Variants in MCF2L observed in about 807,000 individuals in gnomAD.
MCF2L encodes guanine nucleotide exchange factor DBS.
MCF2L carries 97 observed loss-of-function variants against 153.4 expected under a neutral mutation model. The observed-to-expected ratio is 0.63, with a 90% CI of 0.54 to 0.75. The LOEUF is 0.75. Ranked by LOEUF, MCF2L falls within the 30% of genes least tolerant of loss-of-function variation. MCF2L has a pLI of 0.00. For synonymous variants in MCF2L, 659 were observed against 632.2 expected, an observed-to-expected ratio of 1.04 and a Z score of -0.64; for missense variants, 1,347 against 1,495.2, an observed-to-expected ratio of 0.90 and a Z score of 1.64.
intron 1 of MCF2L, among the ~76,000 whole-genome samples, chr13:112,972,777 ATGCATAGATGAGTGGATGCAT>A (rs2082089773): frequency 0.018 from 4 of 224 alleles, no homozygotes; most frequent in Admixed American, 0.05. Context: ...GGAGGGATGG[ATGCATAGATGAGTGGATGCAT>A]GGAGTGGAGG....
intron 2 of MCF2L, among the ~76,000 whole-genome samples, chr13:112,959,430 G>A (rs1013638451): frequency 1.3e-5 from 2 of 152,002 alleles, no homozygotes; most frequent in East Asian, 1.9e-4. Context: ...GCACGGCCTC[G>A]GTGTTTAGGG....
chr13:112,930,432 C>G (rs1005518617), intron 2 of MCF2L, among the ~76,000 whole-genome samples: 1 of 151,980 alleles, frequency 6.6e-6, no homozygotes, highest in African/African-American at 2.4e-5. Context: ...AGGAAGAAGC[C>G]AATCTGAAAA....
intron 2 of MCF2L, among the ~76,000 whole-genome samples, chr13:112,940,705 T>C (rs559023826): frequency 8.5e-5 from 13 of 152,386 alleles, no homozygotes; most frequent in East Asian, 5.8e-4. Flanking sequence ...TATAGCTTTA[T>C]GTGTATTATT....
chr13:113,023,671 A>G (rs556862124), intron 2 of MCF2L, among the ~76,000 whole-genome samples: 1 of 152,212 alleles, frequency 6.6e-6, no homozygotes, highest in East Asian at 1.9e-4. Flanking sequence ...TTACAGATTT[A>G]TTCTTCATTT....
rs56360016 is a variant in MCF2L, at chr13:113,031,866, C to CCACACA, written c.278+7127_278+7132dup. ...ACGCACCTACACAGGCTTGCACATG[C>CCACACA]CACACACACACACACACACACACAG... On this transcript the variant is annotated intron_variant, in intron 3 of 29. Transcript: ENST00000535094. This position sits in a 1 kb window ranked among gnomAD's most constrained non-coding sequence, Gnocchi z 5.5. 2.0e-5 allele frequency among the ~76,000 whole-genome samples: 3 copies of CCACACA among 150,362 alleles called. No individual in the cohort carries two copies. The highest frequency in any genetic ancestry group is 7.3e-5 in the African/African-American group (3 of 40,876).
At chr13:112,997,600 C>A (rs1050962160) in intron 1 of MCF2L, among the ~76,000 whole-genome samples, 2 of 152,256 alleles carry the variant, frequency 1.3e-5, no homozygotes, top group African/African-American at 2.4e-5. Context: ...GGTCCCACCC[C>A]ACAGCCTGAT....
intron 1 of MCF2L, among the ~76,000 whole-genome samples, chr13:112,900,294 C>T (rs1341856092): frequency 6.6e-6 from 1 of 152,210 alleles, no homozygotes; most frequent in African/African-American, 2.4e-5. Context: ...CCCTCCCGGA[C>T]CTTTCTGCAG....
At chr13:113,016,765 C>G (rs916203288) in intron 2 of MCF2L, among the ~76,000 whole-genome samples, 1 of 152,192 alleles carries the variant, frequency 6.6e-6, no homozygotes, top group Non-Finnish European at 1.5e-5. Flanking sequence ...GTGGCTGGCC[C>G]GGCCCCTCAG....
At chr13:112,968,583 C>A, upstream of MCF2L, 1 of 1,540,740 alleles carries the variant, frequency 6.5e-7, no homozygotes, top group Non-Finnish European at 8.7e-7. Context: ...AGCCACGGAC[C>A]CACGCATGGA....
At chr13:112,923,426 G>C (rs1250094525) in intron 2 of MCF2L, among the ~76,000 whole-genome samples, 5 of 151,766 alleles carry the variant, frequency 3.3e-5, no homozygotes, top group Non-Finnish European at 5.9e-5. Flanking sequence ...ACCACGCCTG[G>C]CTAATTTTTT....
At chr13:112,901,145 C>T (rs2081115898) in intron 1 of MCF2L, among the ~76,000 whole-genome samples, 1 of 152,104 alleles carries the variant, frequency 6.6e-6, no homozygotes, top group African/African-American at 2.4e-5. Context: ...GCCACCGATA[C>T]CGTTTATTTT....
At chr13:113,082,668 T>C (rs74115789) in intron 17 of MCF2L, 126 bp downstream of exon 17, 4 of 687,348 alleles carry the variant, frequency 5.8e-6, no homozygotes, top group African/African-American at 5.3e-5. Context: ...GCCCAAGGGG[T>C]GGACTCACAG....
Position 113,097,843 on chromosome 13 carries a change from CCTCCA to C in MCF2L, c.*994_*998del, listed in dbSNP as rs2035770059. On this transcript the variant is annotated 3_prime_UTR_variant, in exon 30 of 30. Transcript: ENST00000535094. ...CACTGCAGCCTCCTCGGAGGCCGCACCTCCACTCCACTCCCCACGCGCCCCCTGCC... is the reference window on the plus strand; with the variant it reads ...CACTGCAGCCTCCTCGGAGGCCGCACCTCCACTCCCCACGCGCCCCCTGCC... The C allele has an allele frequency of 6.6e-6, 1 of 152,166 alleles. No homozygotes were observed. The allele number at this position is 152,166 out of a possible 1,614,324, so 9.4% of individuals were successfully genotyped here.
rs2086846117 is a variant in MCF2L, at chr13:113,046,819, C to T, written c.369+1458C>T. 1 of 375,938 alleles carries T rather than the reference C, an allele frequency of 2.7e-6. No homozygotes were observed. The highest frequency in any genetic ancestry group is 5.2e-6 in the Non-Finnish European group (1 of 190,944). 23.3% of individuals were successfully genotyped at this position (375,938 alleles called of 1,614,324 possible). On this transcript the variant is annotated intron_variant, in intron 4 of 29. Coordinates refer to ENST00000535094, the MANE Select transcript of MCF2L (RefSeq NM_001112732.3). The surrounding 1 kb of genome is among the most constrained non-coding windows in gnomAD (Gnocchi z 4.4). ...TCGTTATCTGAAATAATTCAAAACG[C>T]TTCAGGATGCTTCCAAAAAAGTAGA...
chr13:113,013,663 A>T (rs2084317339), intron 1 of MCF2L, among the ~76,000 whole-genome samples: 1 of 152,210 alleles, frequency 6.6e-6, no homozygotes, highest in African/African-American at 2.4e-5. Context: ...AGGTGTGGAA[A>T]AATTGAGCGT....
chr13:113,055,517 C>T (rs9577452), intron 4 of MCF2L, among the ~76,000 whole-genome samples: 6,782 of 146,258 alleles, frequency 0.046, 806 homozygotes, highest in African/African-American at 0.17. Flanking sequence ...GACAGTGAAA[C>T]GTAGAAGAGC....
At chr13:112,990,357 G>GTCT in intron 1 of MCF2L, among the ~76,000 whole-genome samples, 1 of 152,334 alleles carries the variant, frequency 6.6e-6, no homozygotes, top group East Asian at 1.9e-4. Flanking sequence ...AGACCACTTT[G>GTCT]TCTTCACCCC....
intron 2 of MCF2L, among the ~76,000 whole-genome samples, chr13:112,935,652 G>A (rs779945602): frequency 3.3e-5 from 5 of 152,218 alleles, no homozygotes; most frequent in Non-Finnish European, 5.9e-5. Context: ...GCTGGGCTGA[G>A]CTGTGATGTT....
At chr13:112,961,592 A>C (rs1373788681) in intron 2 of MCF2L, among the ~76,000 whole-genome samples, 2 of 150,950 alleles carry the variant, frequency 1.3e-5, no homozygotes, top group African/African-American at 2.4e-5. Context: ...GCCAGAGCCC[A>C]CCCCTCTCGA....
Sources: allele counts gnomAD v4.1 joint callset (sites outside exome capture counted in the v4.1 genomes callset), GRCh38; gene constraint gnomAD v4.1.1; non-coding constraint Gnocchi (gnomAD v3.1); transcripts MANE v1.5; gene names NCBI Gene and HGNC (gene_info 2026-07-23, HGNC 2026-07-21).